The following RASA2 variants were observed in gnomAD, a reference collection of about 807,000 sequenced individuals.
The protein encoded by RASA2 is RAS p21 protein activator 2.
In RASA2, 155 loss-of-function variants were observed where a neutral mutation model predicts 118.2. The observed-to-expected ratio is 1.31, with a 90% confidence interval of 1.15 to 1.50. The LOEUF is 1.50. Among genes scored for constraint, RASA2 ranks in the 40% most tolerant of loss-of-function variants. The probability of loss-of-function intolerance (pLI) is 0.00; values close to 1 mark genes in which losing one functional copy is unlikely to be tolerated. For missense variants in RASA2, 1,016 were observed against 1,009.6 expected (o/e 1.01, Z -0.09); for synonymous variants, 353 against 349.1 (o/e 1.01, Z -0.12).
chr3:141,513,072 A>AC (rs1559998923), intron 2 of RASA2, among the ~76,000 whole-genome samples: 1 of 150,938 alleles, frequency 6.6e-6, no homozygotes, highest in Non-Finnish European at 1.5e-5. Flanking sequence ...TCAGAAAAAA[A>AC]AAAAAAAACA....
intron 14 of RASA2, among the ~76,000 whole-genome samples, chr3:141,576,208 A>G (rs11714208): frequency 0.27 from 41,505 of 152,042 alleles, 6,419 homozygotes; most frequent in Non-Finnish European, 0.35. Flanking sequence ...AGTGTTTCAT[A>G]TTCTCTCGTT....
rs527399937 is a variant in RASA2 at position 141,506,229 on chromosome 3, G to A, written c.134-5934G>A. Among the ~76,000 whole-genome samples, 3 of 152,326 alleles carry A rather than the reference G, an allele frequency of 2.0e-5. No homozygotes were observed. The East Asian group carries it at 5.8e-4, about 29-fold the overall frequency. ...TCCTTTCTTCGTAGAGGAACAGTTGGTTGTCATTGATATACCTCCTGATCT... is the reference window on the plus strand; with the variant it reads ...TCCTTTCTTCGTAGAGGAACAGTTGATTGTCATTGATATACCTCCTGATCT... On this transcript the variant is annotated intron_variant, in intron 1 of 23. Transcript: ENST00000286364.
At position 141,569,692 on chromosome 3, in the gene RASA2, A is replaced by G. The variant is rs189655230; in HGVS notation, c.864-1220A>G. ...ATAGGTACAGGTTTGTTACATGGGT[A>G]TATTGTGTAATGCTGAGGTTTAGGC... On this transcript the variant is annotated intron_variant, in intron 9 of 23. Coordinates refer to ENST00000286364, the MANE Select transcript of RASA2 (RefSeq NM_006506.5). Among the ~76,000 whole-genome samples the G allele has an allele frequency of 1.9e-3, 291 of 152,228 alleles. 5 individuals carry two copies. The highest frequency in any genetic ancestry group is 4.4e-4 in the Non-Finnish European group (30 of 68,014).
chr3:141,584,450 A>C (rs932973604), intron 17 of RASA2, among the ~76,000 whole-genome samples: 1 of 152,030 alleles, frequency 6.6e-6, no homozygotes, highest in Non-Finnish European at 1.5e-5. Context: ...TCAGGGTAGC[A>C]TATTTATGAA....
rs201171789 is a variant in RASA2, at chr3:141,565,228, AC to A, written c.863+5236del. Among the ~76,000 whole-genome samples the A allele has an allele frequency of 6.4e-3, 970 of 152,184 alleles. 13 individuals carry two copies. The highest frequency in any genetic ancestry group is 0.022 in the African/African-American group (932 of 41,518). On this transcript the variant is annotated intron_variant, in intron 9 of 23. Transcript: ENST00000286364. ...TCGAACTCCTGACCTCAGGTGATCC[AC>A]CCGCCTTGGCCTCCCAAAGTGCTGG...
chr3:141,522,137 CATTT>C (rs1032904523), intron 3 of RASA2, among the ~76,000 whole-genome samples: 6 of 150,774 alleles, frequency 4.0e-5, no homozygotes, highest in East Asian at 1.9e-4. Context: ...TTTTGTCATT[CATTT>C]ATTTCACATT....
intron 4 of RASA2, among the ~76,000 whole-genome samples, chr3:141,537,725 C>T (rs533411735): frequency 4.6e-5 from 7 of 152,178 alleles, no homozygotes; most frequent in East Asian, 1.9e-4. Context: ...GCTGAGATCA[C>T]GCCACTGCAC....
chr3:141,492,149 T>C (rs2081646854), intron 1 of RASA2, among the ~76,000 whole-genome samples: 1 of 152,240 alleles, frequency 6.6e-6, no homozygotes, highest in South Asian at 2.1e-4. Context: ...AGTGAGTTCA[T>C]AGAGTTGTTT....
chr3:141,603,532 T>C (rs2107796381), intron 19 of RASA2, among the ~76,000 whole-genome samples: 1 of 152,118 alleles, frequency 6.6e-6, no homozygotes. Flanking sequence ...GATCATGCCA[T>C]TGTACTCCAG....
At chr3:141,504,339 A>G (rs2081830934) in intron 1 of RASA2, among the ~76,000 whole-genome samples, 1 of 152,138 alleles carries the variant, frequency 6.6e-6, no homozygotes, top group Non-Finnish European at 1.5e-5. Context: ...GTCCTTGGAC[A>G]GATTGTCTGC....
intron 9 of RASA2, among the ~76,000 whole-genome samples, chr3:141,568,485 A>G (rs1409148115): frequency 1.3e-5 from 2 of 152,100 alleles, no homozygotes; most frequent in Non-Finnish European, 2.9e-5. Context: ...GAAGATAGGA[A>G]AAAAGATAAG....
At chr3:141,522,318 T>C (rs949526565) in intron 3 of RASA2, among the ~76,000 whole-genome samples, 2 of 152,108 alleles carry the variant, frequency 1.3e-5, no homozygotes, top group Admixed American at 1.3e-4. Flanking sequence ...CCGGGGCTGC[T>C]GAGAGAAAGG....
rs1224245090 is a variant in RASA2, at chr3:141,580,058, G to GAAAA, written c.1591-303_1591-300dup. 7.5e-4 allele frequency among the ~76,000 whole-genome samples: 14 copies of GAAAA among 18,682 alleles called. 1 individual carries two copies. The highest frequency in any genetic ancestry group is 0.05 in the Middle Eastern group (1 of 20). The allele number at this position is 18,682 out of a possible 152,430, so 12.3% of individuals were successfully genotyped here. A position where few individuals can be genotyped will look rare whatever the true frequency, so the allele number is the denominator to read the frequency against. Reference sequence around the variant, plus strand: ...GCAACAGAGTGAGACTCCATCTCAGGAAAAAAAAAAGAAAAAAAAAAAAAA... The same window carrying GAAAA: ...GCAACAGAGTGAGACTCCATCTCAGGAAAAAAAAAAAAAAGAAAAAAAAAAAAAA... On this transcript the variant is annotated intron_variant, in intron 15 of 23. Coordinates refer to ENST00000286364, the MANE Select transcript of RASA2 (RefSeq NM_006506.5).
intron 3 of RASA2, among the ~76,000 whole-genome samples, chr3:141,520,321 G>A (rs189373320): frequency 8.4e-4 from 128 of 152,130 alleles, no homozygotes; most frequent in African/African-American, 2.7e-3. Context: ...AGGAAGAACA[G>A]TTTCAAGGTG....
At position 141,576,539 on chromosome 3, in the gene RASA2, A is replaced by G. The variant is rs555662775; in HGVS notation, c.1484-461A>G. ...CTGTTGATAGCTTTTTAAAGTAAAC[A>G]TTTCTGCCTAATTGTTTTTGTTGCA... is the stretch of plus-strand genomic sequence containing the variant. On this transcript the variant is annotated intron_variant, in intron 14 of 23. Coordinates refer to ENST00000286364, the MANE Select transcript of RASA2 (RefSeq NM_006506.5). Among the ~76,000 whole-genome samples, 4 of 152,308 alleles carry G rather than the reference A, an allele frequency of 2.6e-5. No individual in the cohort carries two copies. The South Asian group carries it at 6.2e-4, about 24-fold the overall frequency.
chr3:141,521,957 C>T (rs1364960672), intron 3 of RASA2, among the ~76,000 whole-genome samples: 2 of 150,812 alleles, frequency 1.3e-5, no homozygotes, highest in Non-Finnish European at 2.9e-5. Context: ...AATTTGGAGC[C>T]ACTCAATTGT....
intron 2 of RASA2, among the ~76,000 whole-genome samples, chr3:141,514,327 C>A (rs2081992972): frequency 6.6e-6 from 1 of 152,168 alleles, no homozygotes; most frequent in Non-Finnish European, 1.5e-5. Flanking sequence ...ATCAGGAAAT[C>A]AATTTAAAAC....
intron 19 of RASA2, among the ~76,000 whole-genome samples, chr3:141,602,535 A>G (rs1272198932): frequency 6.6e-6 from 1 of 152,190 alleles, no homozygotes; most frequent in East Asian, 1.9e-4. Context: ...TCTATGGTCC[A>G]GATTTTGGGG....
intron 2 of RASA2, among the ~76,000 whole-genome samples, chr3:141,515,584 A>G (rs2082010417): frequency 6.6e-6 from 1 of 152,178 alleles, no homozygotes; most frequent in Non-Finnish European, 1.5e-5. Context: ...ATTTTAGTCC[A>G]TAATTTCATT....
Sources: allele counts gnomAD v4.1 joint callset (sites outside exome capture counted in the v4.1 genomes callset), GRCh38; gene constraint gnomAD v4.1.1; transcripts MANE v1.5; gene names NCBI Gene and HGNC (gene_info 2026-07-23, HGNC 2026-07-21).